VPS50: variants seen among roughly 807,000 people sequenced by gnomAD.
The protein encoded by VPS50 is syndetin.
A neutral mutation model predicts 139.7 loss-of-function variants in VPS50; 70 were observed. The ratio of observed to expected loss-of-function variants is 0.50; its 90% confidence interval spans 0.41 to 0.61. The LOEUF (loss-of-function observed/expected upper bound fraction) is 0.61, where lower values mean the gene tolerates loss of function less well. Among genes scored for constraint, VPS50 ranks in the 20% least tolerant of loss-of-function variants. The pLI, the probability that VPS50 is intolerant of heterozygous loss-of-function variation, is 0.00. For missense variants in VPS50, 921 were observed against 1,133.7 expected (o/e 0.81, Z 2.69); for synonymous variants, 365 against 376.7 (o/e 0.97, Z 0.36).
At chr7:93,291,216 T>C (rs1319329918) in intron 12 of VPS50, among the ~76,000 whole-genome samples, 1 of 152,108 alleles carries the variant, frequency 6.6e-6, no homozygotes, top group Non-Finnish European at 1.5e-5. Flanking sequence ...TTGTCAGATA[T>C]AGAATATCTA....
At chr7:93,260,438 A>G (rs981913631) in intron 9 of VPS50, among the ~76,000 whole-genome samples, 9 of 152,222 alleles carry the variant, frequency 5.9e-5, no homozygotes, top group Non-Finnish European at 1.3e-4. Context: ...AAATTCTGAC[A>G]TTCAGTGAGC....
chr7:93,314,850 A>C (rs1365629732), intron 20 of VPS50, among the ~76,000 whole-genome samples: 1 of 152,086 alleles, frequency 6.6e-6, no homozygotes, highest in Non-Finnish European at 1.5e-5. Flanking sequence ...CATTGGGGGA[A>C]GGTCAAATAC....
At chr7:93,234,240 C>A (rs910076992) in intron 1 of VPS50, among the ~76,000 whole-genome samples, 1 of 152,022 alleles carries the variant, frequency 6.6e-6, no homozygotes, top group Admixed American at 6.6e-5. Flanking sequence ...GTTTTTTTGA[C>A]CTCATTTTGT....
At chr7:93,322,523 C>A (rs1004538887) in intron 20 of VPS50, among the ~76,000 whole-genome samples, 23 of 144,110 alleles carry the variant, frequency 1.6e-4, no homozygotes, top group African/African-American at 5.8e-4. Flanking sequence ...TGGCGTGAAC[C>A]TGGGAGGCGG....
chr7:93,307,842 G>C (rs979777165), intron 18 of VPS50, among the ~76,000 whole-genome samples: 10 of 151,910 alleles, frequency 6.6e-5, no homozygotes, highest in Non-Finnish European at 1.5e-4. Context: ...GAGAATCAGG[G>C]TCCACATTTA....
chr7:93,339,102 G>C (rs1452491024), intron 22 of VPS50, among the ~76,000 whole-genome samples: 1 of 151,962 alleles, frequency 6.6e-6, no homozygotes, highest in African/African-American at 2.4e-5. Flanking sequence ...GTGCCAAACA[G>C]TATTTAATTT....
At position 93,252,694 on chromosome 7, in the gene VPS50, A is replaced by G. The variant is rs755848465; in HGVS notation, c.144A>G (p.Gln48=). Residue 48 remains glutamine, a synonymous_variant, in exon 3 of 28, where the codon CAA becomes CAG. Transcript: ENST00000305866. ...RELREQPSDP[Q]AEQELINSIE... is the part of the protein sequence containing the mutation. ...TTCGAGAACAGCCAAGTGACCCTCA[A>G]GCTGAACAAGAGCTTATTAATAGTA... The G allele has an allele frequency of 3.7e-6, 6 of 1,602,268 alleles. No individual in the cohort carries two copies. The highest frequency in any genetic ancestry group is 1.1e-5 in the South Asian group (1 of 89,984).
At chr7:93,271,357 T>C (rs1268701225) in intron 10 of VPS50, 95 bp downstream of exon 10, 2 of 1,397,258 alleles carry the variant, frequency 1.4e-6, no homozygotes, top group African/African-American at 3.0e-5. Context: ...TTTATGTTAT[T>C]ACCAATGTCT....
Position 93,252,783 on chromosome 7 carries a change from G to C in VPS50, c.225+8G>C. 6.4e-7 allele frequency: 1 copy of C among 1,574,622 alleles called. No individual in the cohort carries two copies. Among genetic ancestry groups the C allele is most frequent in the Non-Finnish European group, 8.6e-7 (1 of 1,160,654 alleles). ...GTTAAATATGAGCTGGAGGTAAACAGAATTTCATTAAAACATAACTAAGGC... is the reference window on the plus strand; with the variant it reads ...GTTAAATATGAGCTGGAGGTAAACACAATTTCATTAAAACATAACTAAGGC... On this transcript the variant is annotated splice_region_variant and intron_variant, in intron 3 of 27. Coordinates refer to ENST00000305866, the MANE Select transcript of VPS50 (RefSeq NM_017667.4).
rs202242070 is a variant in VPS50, at chr7:93,276,185, T to C, written c.822T>C (p.His274=). 85 of 1,612,828 alleles carry C rather than the reference T, an allele frequency of 5.3e-5. No homozygotes were observed. The East Asian group carries it at 1.0e-3, about 20-fold the overall frequency. The change falls in exon 12 of 28, where the codon CAT becomes CAC. Residue 274 remains histidine (H), a synonymous_variant. Coordinates refer to ENST00000305866, the MANE Select transcript of VPS50 (RefSeq NM_017667.4). ...GKTQTAMDQL[H]MHFTQAIHNT... is the part of the protein sequence containing the mutation. ...CACAGACAGCAATGGATCAACTTCA[T>C]ATGCACTTCACCCAAGCCATTCACA...
chr7:93,241,762 C>A (rs1037519516), intron 2 of VPS50, among the ~76,000 whole-genome samples: 9 of 152,030 alleles, frequency 5.9e-5, no homozygotes, highest in Non-Finnish European at 8.8e-5. Context: ...AAATTCCCTA[C>A]ACAGCATAGC....
chr7:93,357,099 A>G (rs1798727349), intron 27 of VPS50, among the ~76,000 whole-genome samples: 1 of 152,158 alleles, frequency 6.6e-6, no homozygotes, highest in South Asian at 2.1e-4. Flanking sequence ...TTGATAACCA[A>G]AATGTTAAAC....
intron 2 of VPS50, among the ~76,000 whole-genome samples, chr7:93,247,393 A>C (rs1358563125): frequency 6.6e-6 from 1 of 151,934 alleles, no homozygotes; most frequent in Non-Finnish European, 1.5e-5. Flanking sequence ...ACATTTTTCT[A>C]TCCTGCGGAA....
At chr7:93,302,978 G>A (rs546894673) in intron 16 of VPS50, among the ~76,000 whole-genome samples, 1 of 152,122 alleles carries the variant, frequency 6.6e-6, no homozygotes, top group African/African-American at 2.4e-5. Flanking sequence ...CAGGCACTGA[G>A]CTAAACATTT....
chr7:93,251,875 T>C (rs957043232), intron 2 of VPS50, among the ~76,000 whole-genome samples: 5 of 152,180 alleles, frequency 3.3e-5, no homozygotes, highest in Admixed American at 1.3e-4. Flanking sequence ...GATTAACTAG[T>C]GTGGCAGGGG....
chr7:93,299,102 A>C (rs1397094580), intron 16 of VPS50, among the ~76,000 whole-genome samples: 1 of 152,182 alleles, frequency 6.6e-6, no homozygotes, highest in Non-Finnish European at 1.5e-5. Context: ...CTTTTTCCCT[A>C]GTATTTAAAC....
chr7:93,286,383 A>T (rs1028521032), intron 12 of VPS50, among the ~76,000 whole-genome samples: 1 of 152,186 alleles, frequency 6.6e-6, no homozygotes, highest in Non-Finnish European at 1.5e-5. Flanking sequence ...TCTCCCCTTC[A>T]CCTGAACTGA....
chr7:93,326,279 A>G (rs1333616618), intron 21 of VPS50, among the ~76,000 whole-genome samples: 43 of 117,296 alleles, frequency 3.7e-4, no homozygotes, highest in African/African-American at 1.3e-3. Flanking sequence ...GGGGAACATC[A>G]CACTCTGGGG....
intron 21 of VPS50, among the ~76,000 whole-genome samples, chr7:93,326,176 T>A (rs1449665441): frequency 6.6e-6 from 1 of 151,176 alleles, no homozygotes. Flanking sequence ...AAATCATCAT[T>A]CTCAGTAAAC....
Sources: gnomAD v4.1 joint callset for allele counts (sites outside exome capture counted in the v4.1 genomes callset) on GRCh38, gnomAD v4.1.1 for gene constraint, MANE v1.5 for transcripts, NCBI Gene and HGNC (gene_info 2026-07-23, HGNC 2026-07-21) for gene names.